The following ALG14 variants were observed in gnomAD, a reference collection of about 807,000 sequenced individuals.
ALG14 encodes UDP-N-acetylglucosamine transferase subunit ALG14.
ALG14 carries 17 observed loss-of-function variants against 22.8 expected under a neutral mutation model. That is an observed-to-expected ratio of 0.75 (90% CI 0.51 to 1.12). ALG14 has a LOEUF of 1.12. Among genes scored for constraint, ALG14 ranks in the 50% most tolerant of loss-of-function variants. The pLI is 0.00. For missense variants in ALG14, 288 were observed against 271.8 expected (o/e 1.06, Z -0.42); for synonymous variants, 89 against 103.7 (o/e 0.86, Z 0.86).
Position 94,984,936 on chromosome 1 carries a change from CT to C in ALG14, c.421-1631del, listed in dbSNP as rs564359879. 1.7e-3 allele frequency among the ~76,000 whole-genome samples: 264 copies of C among 151,206 alleles called. 1 individual carries two copies. The highest frequency in any genetic ancestry group is 0.013 in the East Asian group (69 of 5,178). On this transcript the variant is annotated intron_variant, in intron 3 of 3. Transcript: ENST00000370205. Reference sequence around the variant, plus strand: ...GCAATCATAATTTGAGACAAGTTCTCTTTTTTTTCTTTTTTTTGTTTTTAAT... The same window carrying C: ...GCAATCATAATTTGAGACAAGTTCTCTTTTTTTCTTTTTTTTGTTTTTAAT...
intron 3 of ALG14, among the ~76,000 whole-genome samples, chr1:94,990,310 A>G (rs564296464): frequency 2.2e-4 from 33 of 152,354 alleles, no homozygotes; most frequent in African/African-American, 6.7e-4. Flanking sequence ...GATGTGCAGC[A>G]GATGGGGATG....
At chr1:95,043,964 C>T (rs1257726360) in intron 2 of ALG14, among the ~76,000 whole-genome samples, 2 of 152,060 alleles carry the variant, frequency 1.3e-5, no homozygotes, top group African/African-American at 4.8e-5. Flanking sequence ...GGAAGTCCCT[C>T]TAAATCCCAG....
At chr1:95,044,971 G>A (rs544355151) in intron 2 of ALG14, among the ~76,000 whole-genome samples, 40 of 152,124 alleles carry the variant, frequency 2.6e-4, no homozygotes, top group African/African-American at 7.5e-4. Context: ...TCAGGAACAT[G>A]CTTCTGTATT....
chr1:94,994,251 T>TG (rs2100725104), intron 3 of ALG14, among the ~76,000 whole-genome samples: 1 of 152,342 alleles, frequency 6.6e-6, no homozygotes, highest in Admixed American at 6.5e-5. Flanking sequence ...GATCTTTTTT[T>TG]GTTTTCATTG....
At chr1:95,002,717 C>A (rs981151805) in intron 3 of ALG14, among the ~76,000 whole-genome samples, 1 of 152,158 alleles carries the variant, frequency 6.6e-6, no homozygotes, top group Non-Finnish European at 1.5e-5. Flanking sequence ...ATTAAAGCAA[C>A]GATAGTATCT....
intron 3 of ALG14, among the ~76,000 whole-genome samples, chr1:95,024,187 C>G (rs907535166): frequency 1.3e-5 from 2 of 152,096 alleles, no homozygotes; most frequent in Non-Finnish European, 2.9e-5. Context: ...CTGTGTTAGC[C>G]AGGATGGTCT....
At chr1:95,030,017 T>C (rs1673949105) in intron 2 of ALG14, among the ~76,000 whole-genome samples, 1 of 152,208 alleles carries the variant, frequency 6.6e-6, no homozygotes, top group Non-Finnish European at 1.5e-5. Flanking sequence ...AGGTTTATGC[T>C]CATCTAAGTT....
chr1:94,977,007 G>A lies in ALG14; in HGVS notation c.*6069C>T, dbSNP rs1025159986. 11 of 152,246 alleles carry A rather than the reference G, an allele frequency of 7.2e-5. No homozygotes were observed. Among genetic ancestry groups the A allele is most frequent in the African/African-American group, 2.4e-4 (10 of 41,460 alleles). The allele number at this position is 152,246 out of a possible 1,614,324, so 9.4% of individuals were successfully genotyped here. The stretch of plus-strand genomic sequence containing the variant: ...TGAAGGTATCTGAAAAGGATTCAGA[G>A]TTGCAGATCAGAACTCAGCCTTGGC... On this transcript the variant is annotated 3_prime_UTR_variant, in exon 4 of 4. Transcript: ENST00000370205.
At chr1:95,060,220 C>G (rs750195674) in intron 2 of ALG14, among the ~76,000 whole-genome samples, 3 of 151,810 alleles carry the variant, frequency 2.0e-5, no homozygotes, top group Non-Finnish European at 4.4e-5. Context: ...TTCACGCTAT[C>G]TCCCTCAACA....
intron 3 of ALG14, among the ~76,000 whole-genome samples, chr1:95,012,063 G>T (rs1159331704): frequency 6.6e-6 from 1 of 152,056 alleles, no homozygotes; most frequent in African/African-American, 2.4e-5. Flanking sequence ...TTTTATAAGG[G>T]GTTTCCCCTT....
At chr1:94,998,790 T>C (rs1318002739) in intron 3 of ALG14, among the ~76,000 whole-genome samples, 1 of 152,192 alleles carries the variant, frequency 6.6e-6, no homozygotes, top group Admixed American at 6.5e-5. Context: ...AGGGTTACTG[T>C]GAGGATTAAA....
chr1:95,050,927 G>C (rs530977650), intron 2 of ALG14, among the ~76,000 whole-genome samples: 1 of 145,940 alleles, frequency 6.9e-6, no homozygotes, highest in African/African-American at 2.5e-5. Context: ...GTGCAGTGGT[G>C]TGATCTCCAC....
intron 2 of ALG14, among the ~76,000 whole-genome samples, chr1:95,034,951 A>T (rs1571631828): frequency 6.6e-6 from 1 of 152,072 alleles, no homozygotes; most frequent in South Asian, 2.1e-4. Context: ...GGCTTGGGTT[A>T]CCAAACCCAC....
In ALG14 at chr1:94,982,880, AC is replaced by A. The variant is rs1029149108; in HGVS notation, c.*195del. On this transcript the variant is annotated 3_prime_UTR_variant, in exon 4 of 4. Transcript: ENST00000370205. ...ACAGAGGCATAAACATTTAGTAGTTACGTTTATCAATGTTTGTTTCATAAGA... is the reference window on the plus strand; with the variant it reads ...ACAGAGGCATAAACATTTAGTAGTTAGTTTATCAATGTTTGTTTCATAAGA... 1.4e-5 allele frequency: 8 copies of A among 571,976 alleles called. No homozygotes were observed. The highest frequency in any genetic ancestry group is 1.0e-4 in the Admixed American group (3 of 30,134). The allele number at this position is 571,976 out of a possible 1,614,324, so 35.4% of individuals were successfully genotyped here.
At position 94,975,041 on chromosome 1, in the gene ALG14, A is replaced by G. The variant is rs1672368194; in HGVS notation, c.*8035T>C. ...TACCATAAAATTCACCCAGTATACA[A>G]TTCAGTGGCTTTTAGTATATTCACA... On this transcript the variant is annotated 3_prime_UTR_variant, in exon 4 of 4. Coordinates refer to ENST00000370205, the MANE Select transcript of ALG14 (RefSeq NM_144988.4). 1 of 152,254 alleles carries G rather than the reference A, an allele frequency of 6.6e-6. No homozygotes were observed. Among genetic ancestry groups the G allele is most frequent in the Non-Finnish European group, 1.5e-5 (1 of 68,050 alleles). The allele number at this position is 152,254 out of a possible 1,614,324, so 9.4% of individuals were successfully genotyped here.
At chr1:95,035,776 C>A (rs943744590) in intron 2 of ALG14, 1 of 152,030 alleles carries the variant, frequency 6.6e-6, no homozygotes, top group Non-Finnish European at 1.5e-5. Context: ...CATCATAAAC[C>A]ACAACAGAGG....
chr1:94,987,459 T>C (rs1347294808), intron 3 of ALG14, among the ~76,000 whole-genome samples: 1 of 152,124 alleles, frequency 6.6e-6, no homozygotes, highest in African/African-American at 2.4e-5. Flanking sequence ...AAGTCTAAGA[T>C]ACTAAAAATA....
chr1:95,053,924 C>G (rs865946161), intron 2 of ALG14, among the ~76,000 whole-genome samples: 63 of 152,238 alleles, frequency 4.1e-4, no homozygotes, highest in African/African-American at 1.5e-3. Flanking sequence ...TCAACAAATA[C>G]CAAGGAACTT....
intron 3 of ALG14, among the ~76,000 whole-genome samples, chr1:95,002,052 T>C (rs74101958): frequency 1.3e-5 from 2 of 152,224 alleles, no homozygotes; most frequent in South Asian, 4.1e-4. Flanking sequence ...CTTAAATTCA[T>C]GCTTCAATAT....
Sources: allele counts gnomAD v4.1 joint callset (sites outside exome capture counted in the v4.1 genomes callset), GRCh38; gene constraint gnomAD v4.1.1; transcripts MANE v1.5; gene names NCBI Gene and HGNC (gene_info 2026-07-23, HGNC 2026-07-21).